FSTL5: variants seen among roughly 807,000 people sequenced by gnomAD.
The protein encoded by FSTL5 is follistatin-related protein 5.
Under a neutral mutation model 89.1 loss-of-function variants are expected in FSTL5, and 62 were observed. That is an observed-to-expected ratio of 0.70 (90% CI 0.57 to 0.86). The LOEUF (loss-of-function observed/expected upper bound fraction) is 0.86, where lower values mean the gene tolerates loss of function less well. FSTL5 is among the 40% of genes least tolerant of loss of function. The pLI, the probability that FSTL5 is intolerant of heterozygous loss-of-function variation, is 0.00. For synonymous variants in FSTL5, 383 were observed against 346.2 expected (o/e 1.11, Z -1.18); for missense variants, 1,057 against 1,001.6 (o/e 1.06, Z -0.75).
intron 5 of FSTL5, among the ~76,000 whole-genome samples, chr4:161,765,979 G>T (rs1740983953): frequency 6.6e-6 from 1 of 151,962 alleles, no homozygotes; most frequent in Non-Finnish European, 1.5e-5. Flanking sequence ...ATTTTTAGTA[G>T]AGACGGGGTT....
chr4:161,967,089 A>T (rs1421020408), intron 3 of FSTL5, among the ~76,000 whole-genome samples: 1 of 151,994 alleles, frequency 6.6e-6, no homozygotes, highest in Non-Finnish European at 1.5e-5. Flanking sequence ...CAAAAAAAAA[A>T]AAACTGTTTC....
chr4:161,805,668 T>C (rs1372643085), intron 4 of FSTL5, among the ~76,000 whole-genome samples: 3 of 152,086 alleles, frequency 2.0e-5, no homozygotes, highest in Non-Finnish European at 4.4e-5. Context: ...ACAATAACAT[T>C]AGAGGCAATA....
At chr4:161,580,712 G>C (rs1400823882) in intron 8 of FSTL5, among the ~76,000 whole-genome samples, 1 of 152,156 alleles carries the variant, frequency 6.6e-6, no homozygotes, top group East Asian at 1.9e-4. Flanking sequence ...TCAACTCCCT[G>C]GCATATTAGG....
intron 6 of FSTL5, among the ~76,000 whole-genome samples, chr4:161,662,687 T>C (rs1736758564): frequency 6.6e-6 from 1 of 152,140 alleles, no homozygotes; most frequent in South Asian, 2.1e-4. Context: ...AGAAGTAATA[T>C]TTGAACAAAT....
At chr4:161,861,910 AT>A (rs1262176797) in intron 4 of FSTL5, among the ~76,000 whole-genome samples, 1 of 152,188 alleles carries the variant, frequency 6.6e-6, no homozygotes, top group African/African-American at 2.4e-5. Context: ...AGTTCATTCC[AT>A]CTCACTGAAA....
intron 10 of FSTL5, among the ~76,000 whole-genome samples, chr4:161,532,551 C>A (rs532466779): frequency 6.6e-6 from 1 of 152,216 alleles, no homozygotes; most frequent in South Asian, 2.1e-4. Context: ...TTAATATGTG[C>A]AAATAAGAAA....
chr4:161,553,569 G>C (rs1732286009), intron 8 of FSTL5, among the ~76,000 whole-genome samples: 1 of 150,870 alleles, frequency 6.6e-6, no homozygotes, highest in Non-Finnish European at 1.5e-5. Context: ...TGAGTGATAG[G>C]TTCGAGTTGA....
At chr4:161,649,552 AAATAC>A (rs1156855000) in intron 7 of FSTL5, among the ~76,000 whole-genome samples, 2 of 152,234 alleles carry the variant, frequency 1.3e-5, no homozygotes, top group Non-Finnish European at 2.9e-5. Context: ...GTTAAATTTG[AAATAC>A]AATAGATAAT....
chr4:161,915,162 T>C (rs1381944368), intron 4 of FSTL5, among the ~76,000 whole-genome samples: 1 of 152,158 alleles, frequency 6.6e-6, no homozygotes, highest in Non-Finnish European at 1.5e-5. Context: ...TTCACTATAG[T>C]ATATTGGCTT....
chr4:161,614,722 TTAATA>T (rs1035003713), intron 7 of FSTL5, among the ~76,000 whole-genome samples: 1 of 152,202 alleles, frequency 6.6e-6, no homozygotes, highest in African/African-American at 2.4e-5. Flanking sequence ...TCTATGCTGA[TTAATA>T]TATTTTCCAT....
At chr4:162,101,598 A>C (rs923679513) in intron 2 of FSTL5, among the ~76,000 whole-genome samples, 2 of 152,240 alleles carry the variant, frequency 1.3e-5, no homozygotes, top group African/African-American at 4.8e-5. Context: ...AGATTAAAAA[A>C]ATAGAAGAAT....
chr4:162,040,528 C>T (rs756988742), intron 2 of FSTL5, among the ~76,000 whole-genome samples: 19 of 151,720 alleles, frequency 1.3e-4, no homozygotes, highest in Admixed American at 2.6e-4. Flanking sequence ...TATAAAAATG[C>T]CTCAAAAATA....
rs139664375 is a variant in FSTL5, at chr4:161,987,890, T to TA, written c.160+45734dup. On this transcript the variant is annotated intron_variant, in intron 3 of 15. Transcript: ENST00000306100. ...GACCACTAAGACAGAGTCTACCAAA[T>TA]AAAAAAAACTTAGGTTTTATCTTAG... Among the ~76,000 whole-genome samples the TA allele has an allele frequency of 2.6e-5, 4 of 151,338 alleles. No homozygotes were observed. In the East Asian group the frequency reaches 5.8e-4, roughly 22 times the overall value.
At chr4:161,995,453 T>C (rs1454634351) in intron 3 of FSTL5, among the ~76,000 whole-genome samples, 1 of 152,136 alleles carries the variant, frequency 6.6e-6, no homozygotes, top group Non-Finnish European at 1.5e-5. Context: ...GTCAAATCTC[T>C]ATGTATTACC....
At chr4:161,416,844 C>CA (rs532290897) in intron 15 of FSTL5, among the ~76,000 whole-genome samples, 5,889 of 70,770 alleles carry the variant, frequency 0.083, 282 homozygotes, top group East Asian at 0.33. Flanking sequence ...GACTCCATCT[C>CA]AAAAAAAAAA....
chr4:162,151,199 A>G (rs1054417330), intron 1 of FSTL5, among the ~76,000 whole-genome samples: 3 of 152,202 alleles, frequency 2.0e-5, no homozygotes, highest in South Asian at 2.1e-4. Flanking sequence ...AAAGAAAAAA[A>G]TTTAATTGGA....
intron 15 of FSTL5, among the ~76,000 whole-genome samples, chr4:161,427,239 C>A (rs1732195103): frequency 6.6e-6 from 1 of 152,186 alleles, no homozygotes; most frequent in Non-Finnish European, 1.5e-5. Context: ...ACTTCTGTAG[C>A]AGCCATATTA....
intron 6 of FSTL5, among the ~76,000 whole-genome samples, chr4:161,737,723 C>T (rs1298851315): frequency 6.6e-6 from 1 of 151,658 alleles, no homozygotes; most frequent in African/African-American, 2.4e-5. Flanking sequence ...TGAGAAACAC[C>T]ATTAACCTTT....
chr4:162,078,823 A>T (rs1408580800), intron 2 of FSTL5, among the ~76,000 whole-genome samples: 2 of 151,780 alleles, frequency 1.3e-5, no homozygotes, highest in Non-Finnish European at 2.9e-5. Context: ...AACTCAAGAG[A>T]TTCTCTGGAC....
Sources: gnomAD v4.1 joint callset for allele counts (sites outside exome capture counted in the v4.1 genomes callset) on GRCh38, gnomAD v4.1.1 for gene constraint, MANE v1.5 for transcripts, NCBI Gene and HGNC (gene_info 2026-07-23, HGNC 2026-07-21) for gene names.